The following PCDH11Y variants were observed in gnomAD, a reference collection of about 807,000 sequenced individuals.
The protein encoded by PCDH11Y is protocadherin 11 Y-linked.
For missense variants in PCDH11Y, 12 were observed against 224.8 expected (o/e 0.05, Z 6.05); for synonymous variants, 9 against 83.6 (o/e 0.11, Z 4.87).
At chrY:5,608,633 C>CT in intron 4 of PCDH11Y, among the ~76,000 whole-genome samples, 1 of 20,880 alleles carries the variant, frequency 4.8e-5, no homozygotes. Context: ...CTGAAATTCT[C>CT]TTTTTTGGTT....
chrY:5,120,591 T>A, intron 2 of PCDH11Y, among the ~76,000 whole-genome samples: 1 of 32,907 alleles, frequency 3.0e-5, no homozygotes, highest in Non-Finnish European at 7.5e-5. Context: ...CCTTTCCAGT[T>A]GTAGGTGAAT....
chrY:5,195,830 A>T, intron 2 of PCDH11Y, among the ~76,000 whole-genome samples: 2 of 31,802 alleles, frequency 6.3e-5, no homozygotes, highest in Non-Finnish European at 1.5e-4. Context: ...AAAATAATTC[A>T]ATTAAGCTTA....
chrY:5,263,326 C>T, intron 2 of PCDH11Y, among the ~76,000 whole-genome samples: 1 of 29,490 alleles, frequency 3.4e-5, no homozygotes, highest in Non-Finnish European at 8.1e-5. Context: ...GAAATGGGGA[C>T]GGGTCTTTCC....
chrY:5,276,493 T>C, intron 2 of PCDH11Y, among the ~76,000 whole-genome samples: 1 of 30,461 alleles, frequency 3.3e-5, no homozygotes, highest in African/African-American at 1.3e-4. Flanking sequence ...AAATAGTTTT[T>C]GAAATGTAAA....
chrY:5,108,025 C>G (rs1602868681), downstream of PCDH11Y, among the ~76,000 whole-genome samples: 12 of 24,866 alleles, frequency 4.8e-4, no homozygotes, highest in South Asian at 7.8e-3. Flanking sequence ...CGCCACTGCA[C>G]TCCAGCCTGG....
At chrY:5,407,856 G>T in intron 2 of PCDH11Y, among the ~76,000 whole-genome samples, 1 of 25,072 alleles carries the variant, frequency 4.0e-5, no homozygotes, top group Non-Finnish European at 8.8e-5. Flanking sequence ...GGAGCTTGCA[G>T]TGAGCCGAGA....
chrY:5,373,125 TC>T (rs2053191808), intron 2 of PCDH11Y, among the ~76,000 whole-genome samples: 2 of 1,340 alleles, frequency 1.5e-3, no homozygotes, highest in Non-Finnish European at 2.1e-3. Flanking sequence ...CCTCCCTCCC[TC>T]CTTTCTTTCT....
intron 4 of PCDH11Y, among the ~76,000 whole-genome samples, chrY:5,733,445 G>A (rs1219414126): frequency 0.077 from 2,248 of 29,209 alleles, no homozygotes; most frequent in East Asian, 0.051. Context: ...ATGTAGTTTC[G>A]TTGACAGGTT....
intron 4 of PCDH11Y, among the ~76,000 whole-genome samples, chrY:5,676,981 C>A: frequency 3.1e-5 from 1 of 32,269 alleles, no homozygotes; most frequent in Non-Finnish European, 7.5e-5. Flanking sequence ...TGCACCAGTA[C>A]CTTGGTACCA....
chrY:5,179,393 G>A, intron 2 of PCDH11Y, among the ~76,000 whole-genome samples: 6 of 33,341 alleles, frequency 1.8e-4, no homozygotes, highest in Admixed American at 5.5e-4. Context: ...GTTGAGCTTC[G>A]TTTCATATGT....
At chrY:5,037,694 A>G in intron 3 of PCDH11Y, 1 of 89,264 alleles carries the variant, frequency 1.1e-5, no homozygotes, top group Non-Finnish European at 2.4e-5. Context: ...GATCTTCCAT[A>G]CATTGCCCCA....
intron 1 of PCDH11Y, among the ~76,000 whole-genome samples, chrY:5,082,225 G>T: frequency 5.9e-5 from 2 of 33,717 alleles, no homozygotes; most frequent in African/African-American, 2.3e-4. Flanking sequence ...AAGCTGACTT[G>T]ATCGTGGTGG....
chrY:5,643,789 A>T (rs2124705344), intron 4 of PCDH11Y, among the ~76,000 whole-genome samples: 1 of 27,615 alleles, frequency 3.6e-5, no homozygotes. Context: ...TAAAAAAAAG[A>T]TTTGTGTTTA....
intron 2 of PCDH11Y, among the ~76,000 whole-genome samples, chrY:5,452,874 G>T: frequency 3.0e-5 from 1 of 33,191 alleles, no homozygotes; most frequent in African/African-American, 1.2e-4. Context: ...GTAAGTGGCT[G>T]GGTCATGCTG....
intron 1 of PCDH11Y, among the ~76,000 whole-genome samples, chrY:5,078,051 G>T: frequency 3.1e-5 from 1 of 31,771 alleles, no homozygotes; most frequent in Non-Finnish European, 7.6e-5. Flanking sequence ...TCAGTGTGTG[G>T]TGTTCCCCTC....
chrY:5,669,942 A>G (rs2053547697), intron 4 of PCDH11Y, among the ~76,000 whole-genome samples: 1 of 31,049 alleles, frequency 3.2e-5, no homozygotes, highest in East Asian at 8.3e-4. Flanking sequence ...AACCATCCCC[A>G]TCTAAATCCC....
intron 2 of PCDH11Y, among the ~76,000 whole-genome samples, chrY:5,206,492 G>T: frequency 3.6e-5 from 1 of 27,630 alleles, no homozygotes; most frequent in Admixed American, 3.5e-4. Flanking sequence ...CAAATTGAAG[G>T]GTGAGAATAT....
intron 2 of PCDH11Y, among the ~76,000 whole-genome samples, chrY:5,245,332 C>T (rs2052994437): frequency 6.2e-5 from 2 of 32,154 alleles, no homozygotes; most frequent in Non-Finnish European, 1.5e-4. Context: ...TGTCAGACAC[C>T]GTATTCAGGA....
intron 2 of PCDH11Y, among the ~76,000 whole-genome samples, chrY:5,483,083 T>C: frequency 3.1e-5 from 1 of 32,136 alleles, no homozygotes; most frequent in East Asian, 8.1e-4. Context: ...TTTGCAAATG[T>C]GAGTCCTCGA....
Sources: allele counts gnomAD v4.1 joint callset (sites outside exome capture counted in the v4.1 genomes callset), GRCh38; gene constraint gnomAD v4.1.1; transcripts MANE v1.5; gene names NCBI Gene and HGNC (gene_info 2026-07-23, HGNC 2026-07-21).